Variants in CFAP52 observed in about 807,000 individuals in gnomAD.
CFAP52 encodes the protein cilia- and flagella-associated protein 52.
In CFAP52, 57 loss-of-function variants were observed where a neutral mutation model predicts 70.5. The observed-to-expected ratio is 0.81, with a 90% confidence interval of 0.65 to 1.01. The LOEUF (loss-of-function observed/expected upper bound fraction) is 1.01, where lower values mean the gene tolerates loss of function less well. Ranked by LOEUF, CFAP52 falls within the 50% of genes least tolerant of loss-of-function variation. The pLI, the probability that CFAP52 is intolerant of heterozygous loss-of-function variation, is 0.00. For synonymous variants in CFAP52, 267 were observed against 292.5 expected (o/e 0.91, Z 0.89); for missense variants, 785 against 788.5 (o/e 1.00, Z 0.05).
intron 3 of CFAP52, among the ~76,000 whole-genome samples, chr17:9,590,888 C>T (rs897986145): frequency 2.0e-5 from 3 of 152,036 alleles, no homozygotes; most frequent in African/African-American, 7.2e-5. Context: ...TGGAGTTCTG[C>T]TGATTGGTTT....
chr17:9,612,503 A>G (rs544679690), intron 8 of CFAP52, 24 bp downstream of exon 8: 1 of 1,605,424 alleles, frequency 6.2e-7, no homozygotes, highest in Admixed American at 1.7e-5. Context: ...AAAAACAAGA[A>G]TGTGGAGATT....
chr17:9,610,620 C>T (rs1449357132), intron 7 of CFAP52, among the ~76,000 whole-genome samples: 5 of 152,012 alleles, frequency 3.3e-5, no homozygotes, highest in African/African-American at 7.2e-5. Context: ...CTGCAACCTC[C>T]GCCTCCCGGG....
chr17:9,586,218 G>A (rs1212611574), intron 2 of CFAP52, among the ~76,000 whole-genome samples: 1 of 152,084 alleles, frequency 6.6e-6, no homozygotes, highest in Non-Finnish European at 1.5e-5. Flanking sequence ...GCTTAAAGCT[G>A]TTTCCATTGT....
chr17:9,641,382 C>T (rs1911049813), intron 12 of CFAP52, among the ~76,000 whole-genome samples: 1 of 152,124 alleles, frequency 6.6e-6, no homozygotes, highest in Middle Eastern at 3.2e-3. Flanking sequence ...CTTTTCCTCC[C>T]TCCAGGCCTG....
intron 6 of CFAP52, among the ~76,000 whole-genome samples, chr17:9,602,528 G>A (rs923476076): frequency 2.0e-5 from 3 of 152,106 alleles, no homozygotes; most frequent in Admixed American, 1.3e-4. Context: ...GTCTATCATT[G>A]ATGGACATTT....
intron 1 of CFAP52, among the ~76,000 whole-genome samples, chr17:9,585,123 T>C (rs1908395338): frequency 6.6e-6 from 1 of 152,170 alleles, no homozygotes; most frequent in Non-Finnish European, 1.5e-5. Context: ...ACTCCATGCA[T>C]TCGTGCTTTT....
chr17:9,603,307 T>G (rs138933683), intron 6 of CFAP52, among the ~76,000 whole-genome samples: 163 of 152,158 alleles, frequency 1.1e-3, no homozygotes, highest in African/African-American at 3.9e-3. Context: ...CTCCAGAGTT[T>G]ACGCCATTCT....
At chr17:9,644,900 C>G (rs1911253278), downstream of CFAP52, 1 of 152,186 alleles carries the variant, frequency 6.6e-6, no homozygotes, top group African/African-American at 2.4e-5. Context: ...TCAAGTCTTG[C>G]AAGTTTTTGG....
intron 9 of CFAP52, among the ~76,000 whole-genome samples, chr17:9,631,082 G>GAAAGAAAGAGAA (rs56818169): frequency 2.0e-5 from 1 of 49,054 alleles, no homozygotes; most frequent in Non-Finnish European, 4.9e-5. Flanking sequence ...AAGAAAGAAA[G>GAAAGAAAGAGAA]AGAAAGAAAG....
At chr17:9,622,247 A>G (rs189765133) in intron 8 of CFAP52, among the ~76,000 whole-genome samples, 6 of 152,288 alleles carry the variant, frequency 3.9e-5, no homozygotes, top group Admixed American at 3.9e-4. Flanking sequence ...AACAATCTAT[A>G]TACAGAAAAT....
chr17:9,622,617 G>A (rs987641892), intron 8 of CFAP52, among the ~76,000 whole-genome samples: 5 of 151,792 alleles, frequency 3.3e-5, no homozygotes. Flanking sequence ...AGAAAATTTG[G>A]TCCCTGCTTA....
At chr17:9,639,092 G>C in intron 12 of CFAP52, 1 of 205,088 alleles carries the variant, frequency 4.9e-6, no homozygotes, top group Non-Finnish European at 1.0e-5. Context: ...AAAGGCAATA[G>C]AGCTCCTCAT....
chr17:9,627,989 C>T (rs1354136720), intron 8 of CFAP52, among the ~76,000 whole-genome samples: 1 of 152,140 alleles, frequency 6.6e-6, no homozygotes, highest in Non-Finnish European at 1.5e-5. Flanking sequence ...CTTTCTTGGC[C>T]TCCCAAAGTG....
downstream of CFAP52, among the ~76,000 whole-genome samples, chr17:9,643,718 A>G (rs560179165): frequency 2.6e-5 from 4 of 152,352 alleles, no homozygotes; most frequent in South Asian, 8.3e-4. Context: ...GAATTAAGTG[A>G]CTAATGTACT....
At chr17:9,593,512 A>G (rs1908858160) in intron 3 of CFAP52, among the ~76,000 whole-genome samples, 1 of 151,968 alleles carries the variant, frequency 6.6e-6, no homozygotes, top group African/African-American at 2.4e-5. Flanking sequence ...CTGGAGTGCA[A>G]TGGTGCAATC....
intron 6 of CFAP52, among the ~76,000 whole-genome samples, chr17:9,602,386 G>GAGAATGATGGT (rs1370589980): frequency 4.6e-4 from 38 of 82,896 alleles, no homozygotes; most frequent in Non-Finnish European, 2.6e-4. Context: ...TTGGTTTTCT[G>GAGAATGATGGT]TTCCTGTTTT....
intron 2 of CFAP52, 104 bp from the exon 3 acceptor site, chr17:9,586,594 A>G: frequency 7.1e-7 from 1 of 1,401,442 alleles, no homozygotes; most frequent in Non-Finnish European, 9.4e-7. Context: ...AAGAAAGAAA[A>G]AAGAAAAGTG....
intron 9 of CFAP52, among the ~76,000 whole-genome samples, chr17:9,631,703 C>T (rs1374978666): frequency 1.3e-5 from 2 of 151,230 alleles, no homozygotes; most frequent in East Asian, 3.9e-4. Flanking sequence ...ATACTAGTTA[C>T]CGTGGAGGAT....
At chr17:9,597,322 T>A (rs1182317723) in intron 4 of CFAP52, among the ~76,000 whole-genome samples, 1 of 152,178 alleles carries the variant, frequency 6.6e-6, no homozygotes, top group Non-Finnish European at 1.5e-5. Flanking sequence ...ATGGTGAGTA[T>A]AGTTCGTAAT....
Sources: gnomAD v4.1 joint callset for allele counts (sites outside exome capture counted in the v4.1 genomes callset) on GRCh38, gnomAD v4.1.1 for gene constraint, MANE v1.5 for transcripts, NCBI Gene and HGNC (gene_info 2026-07-23, HGNC 2026-07-21) for gene names.